Variants in FBXO42 observed in about 807,000 individuals in gnomAD.
The protein encoded by FBXO42 is F-box protein 42.
A neutral mutation model predicts 71.7 loss-of-function variants in FBXO42; 12 were observed. The ratio of observed to expected loss-of-function variants is 0.17; its 90% CI spans 0.11 to 0.27. The LOEUF (loss-of-function observed/expected upper bound fraction) is 0.27. FBXO42 is among the 10% of genes least tolerant of loss of function. The pLI, the probability that FBXO42 is intolerant of heterozygous loss-of-function variation, is 1.00. For synonymous variants in FBXO42, 325 were observed against 327.5 expected, an observed-to-expected ratio of 0.99 and a Z score of 0.08; for missense variants, 707 against 911.9, an observed-to-expected ratio of 0.78 and a Z score of 2.89.
Position 16,334,261 on chromosome 1 carries a change from G to A in FBXO42, c.-18+17994C>T, listed in dbSNP as rs540851021. ...ATCCTGGTTAACACGGTGAAACCCC[G>A]TCTCTACTAAAAATACAAAAAATTA... is the stretch of plus-strand genomic sequence containing the variant. On this transcript the variant is annotated intron_variant, in intron 1 of 9. Coordinates refer to ENST00000375592, the MANE Select transcript of FBXO42 (RefSeq NM_018994.3). Among the ~76,000 whole-genome samples the A allele has an allele frequency of 1.5e-3, 235 of 152,002 alleles. 2 individuals are homozygous for A. Among genetic ancestry groups the A allele is most frequent in the African/African-American group, 5.4e-3 (226 of 41,482 alleles).
At position 16,278,680 on chromosome 1, in the gene FBXO42, G is replaced by C. The variant is rs1051806090; in HGVS notation, c.502+16103C>G. Among the ~76,000 whole-genome samples, 5 of 152,248 alleles carry C rather than the reference G, an allele frequency of 3.3e-5. No homozygotes were observed. The East Asian group carries it at 9.7e-4, about 29-fold the overall frequency. ...GACAGTAAGCTTCATTAACGGGACTGACAGCCCCATATGTAACCTTTTTAA... is the reference window on the plus strand; with the variant it reads ...GACAGTAAGCTTCATTAACGGGACTCACAGCCCCATATGTAACCTTTTTAA... On this transcript the variant is annotated intron_variant, in intron 4 of 9. Coordinates refer to ENST00000375592, the MANE Select transcript of FBXO42 (RefSeq NM_018994.3).
chr1:16,252,240 C>T lies in FBXO42; in HGVS notation c.1038+48G>A. The stretch of plus-strand genomic sequence containing the variant: ...AACCTGACAAAGTAATGTGGTTTTC[C>T]ACAATTTAGGACCTGTCCTCCTGCT... On this transcript the variant is annotated intron_variant, in intron 9 of 9. Transcript: ENST00000375592. The surrounding 1 kb of genome is among the most constrained non-coding windows in gnomAD (Gnocchi z 4.4). 7.1e-7 allele frequency: 1 copy of T among 1,413,694 alleles called. No homozygotes were observed. Among genetic ancestry groups the T allele is most frequent in the Non-Finnish European group, 9.9e-7 (1 of 1,005,492 alleles). The allele number at this position is 1,413,694 out of a possible 1,614,324, so 87.6% of individuals were successfully genotyped here.
chr1:16,303,815 G>C (rs576950189), intron 3 of FBXO42, among the ~76,000 whole-genome samples: 1 of 152,108 alleles, frequency 6.6e-6, no homozygotes, highest in East Asian at 1.9e-4. Context: ...GCGTGATCTC[G>C]GCTCACTGCC....
At chr1:16,295,020 ATT>A (rs2082114314) in intron 3 of FBXO42, 103 bp from the exon 4 acceptor site, 1 of 1,354,812 alleles carries the variant, frequency 7.4e-7, no homozygotes. Context: ...ACATTCAGCA[ATT>A]TTGTTACCAA....
intron 1 of FBXO42, among the ~76,000 whole-genome samples, chr1:16,344,323 AT>A (rs143852944): frequency 0.053 from 7,369 of 137,928 alleles, 519 homozygotes; most frequent in African/African-American, 0.17. Context: ...AATATATATA[AT>A]TTTTTTTTTT....
intron 4 of FBXO42, among the ~76,000 whole-genome samples, chr1:16,291,083 C>T (rs963151983): frequency 6.6e-6 from 1 of 152,198 alleles, no homozygotes; most frequent in East Asian, 1.9e-4. Flanking sequence ...CTTTTGAAGT[C>T]TGAACACTGT....
chr1:16,309,707 G>A (rs1260688794), intron 2 of FBXO42, among the ~76,000 whole-genome samples: 1 of 151,524 alleles, frequency 6.6e-6, no homozygotes, highest in Non-Finnish European at 1.5e-5. Flanking sequence ...ACCAGCCTGG[G>A]CAACACAAGG....
chr1:16,273,618 T>C (rs2081868192), intron 4 of FBXO42, among the ~76,000 whole-genome samples: 1 of 150,388 alleles, frequency 6.6e-6, no homozygotes, highest in Non-Finnish European at 1.5e-5. Flanking sequence ...TGGTGGCTTA[T>C]GCCTGTAATC....
At position 16,251,246 on chromosome 1, in the gene FBXO42, A is replaced by G. The variant is rs748299072; in HGVS notation, c.1578T>C (p.Ser526=). Reference sequence around the variant, plus strand: ...TTGTCTGTTCAGGAGGGTGTCTCATACTTCCCCCAACTGTCCTATTGTCCA... The same window carrying G: ...TTGTCTGTTCAGGAGGGTGTCTCATGCTTCCCCCAACTGTCCTATTGTCCA... ...DGMDNRTVGG[S]MRHPPEQTNG... The change falls in exon 10 of 10, where the codon AGT becomes AGC. Residue 526 remains serine (S), a synonymous_variant. Transcript: ENST00000375592. This position sits in a 1 kb window ranked among gnomAD's most constrained non-coding sequence, Gnocchi z 4.5. The G allele has an allele frequency of 6.2e-7, 1 of 1,613,906 alleles. No individual in the cohort carries two copies. The highest frequency in any genetic ancestry group is 8.5e-7 in the Non-Finnish European group (1 of 1,179,816).
intron 4 of FBXO42, among the ~76,000 whole-genome samples, chr1:16,267,548 C>G (rs562090120): frequency 6.6e-6 from 1 of 152,180 alleles, no homozygotes; most frequent in Non-Finnish European, 1.5e-5. Flanking sequence ...AGATCAGGGT[C>G]GGCTCCAGCT....
intron 4 of FBXO42, among the ~76,000 whole-genome samples, chr1:16,272,548 C>T (rs2081858385): frequency 2.0e-5 from 3 of 152,128 alleles, no homozygotes; most frequent in South Asian, 2.1e-4. Context: ...CGTGAGCCAC[C>T]GTGCCCGGTG....
At chr1:16,294,955 C>T in intron 3 of FBXO42, 38 bp from the exon 4 acceptor site, 1 of 1,550,910 alleles carries the variant, frequency 6.4e-7, no homozygotes, top group Non-Finnish European at 8.7e-7. Flanking sequence ...TGTGAAAATT[C>T]TGAGGCCCTT....
intron 7 of FBXO42, 64 bp downstream of exon 7, chr1:16,253,571 C>T: frequency 6.7e-7 from 1 of 1,481,492 alleles, no homozygotes; most frequent in Non-Finnish European, 9.4e-7. Context: ...TCCCTCCTCC[C>T]TCTCCCGTCC....
At chr1:16,318,227 T>C (rs1049340661) in intron 1 of FBXO42, among the ~76,000 whole-genome samples, 2 of 152,112 alleles carry the variant, frequency 1.3e-5, no homozygotes, top group Non-Finnish European at 2.9e-5. Context: ...GAGACCAGCA[T>C]GGCCAGCATG....
intron 1 of FBXO42, among the ~76,000 whole-genome samples, chr1:16,317,711 G>A (rs1322499785): frequency 3.3e-5 from 5 of 151,814 alleles, no homozygotes; most frequent in Non-Finnish European, 7.4e-5. Flanking sequence ...ATCATTTGAG[G>A]TCAGGAATTT....
At chr1:16,337,091 T>G (rs778472666) in intron 1 of FBXO42, among the ~76,000 whole-genome samples, 1 of 152,214 alleles carries the variant, frequency 6.6e-6, no homozygotes, top group Non-Finnish European at 1.5e-5. Flanking sequence ...CAAAAACAAC[T>G]GTCCAAAGAT....
chr1:16,339,841 G>T (rs1004824072), intron 1 of FBXO42, among the ~76,000 whole-genome samples: 2 of 152,178 alleles, frequency 1.3e-5, no homozygotes, highest in African/African-American at 4.8e-5. Flanking sequence ...TGTAGTCCCA[G>T]CTACTTGTGA....
At chr1:16,338,703 T>C (rs926131280) in intron 1 of FBXO42, among the ~76,000 whole-genome samples, 2 of 151,338 alleles carry the variant, frequency 1.3e-5, no homozygotes, top group African/African-American at 4.8e-5. Flanking sequence ...GGGTGGCATA[T>C]AAACCTAGCT....
At chr1:16,315,793 G>A (rs1417764447) in intron 1 of FBXO42, among the ~76,000 whole-genome samples, 1 of 152,132 alleles carries the variant, frequency 6.6e-6, no homozygotes, top group Non-Finnish European at 1.5e-5. Flanking sequence ...CAGTAACAAT[G>A]ATCTAAGACC....
Sources: gnomAD v4.1 joint callset for allele counts (sites outside exome capture counted in the v4.1 genomes callset) on GRCh38, gnomAD v4.1.1 for gene constraint, Gnocchi (gnomAD v3.1) non-coding constraint, MANE v1.5 for transcripts, NCBI Gene and HGNC (gene_info 2026-07-23, HGNC 2026-07-21) for gene names.